SLC16A10: variants seen among roughly 807,000 people sequenced by gnomAD.
SLC16A10 encodes solute carrier family 16 member 10, also known as monocarboxylate transporter 10.
In SLC16A10, 27 loss-of-function variants were observed where a neutral mutation model predicts 40.0. The ratio of observed to expected loss-of-function variants is 0.67; its 90% CI spans 0.50 to 0.93. The LOEUF is 0.93. Ranked by LOEUF, SLC16A10 falls within the 40% of genes least tolerant of loss-of-function variation. The pLI, the probability that SLC16A10 is intolerant of heterozygous loss-of-function variation, is 0.00. For synonymous variants in SLC16A10, 213 were observed against 249.8 expected, an observed-to-expected ratio of 0.85 and a Z score of 1.39; for missense variants, 529 against 658.2, an observed-to-expected ratio of 0.80 and a Z score of 2.15.
chr6:111,123,608 C>T (rs1233005305), intron 1 of SLC16A10, among the ~76,000 whole-genome samples: 1 of 152,134 alleles, frequency 6.6e-6, no homozygotes, highest in African/African-American at 2.4e-5. Flanking sequence ...GCCCTTGAGC[C>T]AGGAGGTGAC....
At position 111,087,653 on chromosome 6, in the gene SLC16A10, G is replaced by A. The variant is rs1770890646; in HGVS notation, c.-100G>A. The A allele has an allele frequency of 7.4e-6, 5 of 671,302 alleles. No individual in the cohort carries two copies. The highest frequency in any genetic ancestry group is 1.0e-5 in the Non-Finnish European group (5 of 491,848). 41.6% of individuals were successfully genotyped at this position (671,302 alleles called of 1,614,324 possible). On this transcript the variant is annotated 5_prime_UTR_variant, in exon 1 of 6. Coordinates refer to ENST00000368851, the MANE Select transcript of SLC16A10 (RefSeq NM_018593.5). ...CAGGGGCTCCGCCGCCCTCGCCTCG[G>A]CCTCGTTAGCCCGCCAGGAGCCCCG...
At chr6:111,100,272 A>C (rs1771150951) in intron 1 of SLC16A10, among the ~76,000 whole-genome samples, 1 of 152,174 alleles carries the variant, frequency 6.6e-6, no homozygotes, top group African/African-American at 2.4e-5. Context: ...TTTCTGAAGA[A>C]ATGTTGTGAA....
intron 2 of SLC16A10, 62 bp downstream of exon 2, chr6:111,172,901 T>C: frequency 6.4e-7 from 1 of 1,555,314 alleles, no homozygotes; most frequent in Non-Finnish European, 8.7e-7. Flanking sequence ...AAGTTTTACT[T>C]TCAGAAACTA....
At chr6:111,150,296 C>T (rs935096106) in intron 1 of SLC16A10, among the ~76,000 whole-genome samples, 16 of 152,224 alleles carry the variant, frequency 1.1e-4, no homozygotes, top group African/African-American at 3.6e-4. Context: ...GCTCCTTGAT[C>T]TTGGACTTCT....
chr6:111,132,480 C>T (rs568780754), intron 1 of SLC16A10, among the ~76,000 whole-genome samples: 26 of 152,302 alleles, frequency 1.7e-4, no homozygotes, highest in African/African-American at 2.6e-4. Flanking sequence ...CCCAGTAACA[C>T]GTGGATGGGC....
chr6:111,162,906 G>T (rs1469356530), intron 1 of SLC16A10, among the ~76,000 whole-genome samples: 1 of 151,852 alleles, frequency 6.6e-6, no homozygotes, highest in Non-Finnish European at 1.5e-5. Flanking sequence ...GAACATTTCA[G>T]CTCTTCATGA....
rs574311283 is a variant in SLC16A10, at chr6:111,192,628, A to C, written c.943-13964A>C. ...ATCTGTTCTCATGCTGCTAATAAAG[A>C]CATACCCGAAACTGGGCAATTTATA... On this transcript the variant is annotated intron_variant, in intron 3 of 5. Coordinates refer to ENST00000368851, the MANE Select transcript of SLC16A10 (RefSeq NM_018593.5). Among the ~76,000 whole-genome samples, 11 of 152,306 alleles carry C rather than the reference A, an allele frequency of 7.2e-5. No individual in the cohort carries two copies. In the East Asian group the frequency reaches 1.9e-3, roughly 27 times the overall value.
At chr6:111,213,115 T>C (rs1420751796) in intron 4 of SLC16A10, among the ~76,000 whole-genome samples, 1 of 152,204 alleles carries the variant, frequency 6.6e-6, no homozygotes, top group Admixed American at 6.5e-5. Context: ...AATTGAAAAC[T>C]TGGAATTTAG....
chr6:111,095,701 T>C (rs1326585109), intron 1 of SLC16A10, among the ~76,000 whole-genome samples: 1 of 152,142 alleles, frequency 6.6e-6, no homozygotes. Context: ...GTTCTTGTGA[T>C]AGTTAATAAG....
Position 111,223,443 on chromosome 6 carries a change from A to G in SLC16A10, c.*1208A>G, listed in dbSNP as rs757735793. ...CATGCCATGACCCATACTCATTTAC[A>G]AAAACAAGAACACTTTCCTCTATCC... On this transcript the variant is annotated 3_prime_UTR_variant, in exon 6 of 6. Transcript: ENST00000368851. 7.9e-5 allele frequency: 12 copies of G among 152,184 alleles called. No homozygotes were observed. The highest frequency in any genetic ancestry group is 1.5e-5 in the Non-Finnish European group (1 of 68,032). The allele number at this position is 152,184 out of a possible 1,614,324, so 9.4% of individuals were successfully genotyped here.
chr6:111,217,157 C>T (rs1355968432), intron 4 of SLC16A10, among the ~76,000 whole-genome samples: 2 of 152,238 alleles, frequency 1.3e-5, no homozygotes, highest in Admixed American at 6.5e-5. Context: ...CCTGCTGCTG[C>T]CCCCGTGGGC....
chr6:111,190,084 G>C (rs563274402), intron 3 of SLC16A10, among the ~76,000 whole-genome samples: 33 of 152,182 alleles, frequency 2.2e-4, no homozygotes, highest in Non-Finnish European at 4.6e-4. Context: ...TTACTTCCTA[G>C]ATACAATAGG....
chr6:111,170,285 G>C (rs1017367448), intron 1 of SLC16A10, among the ~76,000 whole-genome samples: 1 of 152,038 alleles, frequency 6.6e-6, no homozygotes, highest in African/African-American at 2.4e-5. Context: ...ATGCTCTTGG[G>C]TTTCTTGATG....
intron 1 of SLC16A10, among the ~76,000 whole-genome samples, chr6:111,122,614 A>C (rs946860935): frequency 2.6e-5 from 4 of 152,096 alleles, no homozygotes; most frequent in African/African-American, 7.2e-5. Context: ...TCTTGTTCTT[A>C]TCGGGTTCTT....
intron 1 of SLC16A10, among the ~76,000 whole-genome samples, chr6:111,137,701 C>A (rs1342992462): frequency 6.6e-6 from 1 of 152,204 alleles, no homozygotes; most frequent in Non-Finnish European, 1.5e-5. Context: ...CGGCCGTTGG[C>A]CAACCTCCCC....
rs1770916506 is a variant in SLC16A10, at chr6:111,222,321, A to G, written c.*86A>G. 6.8e-7 allele frequency: 1 copy of G among 1,474,200 alleles called. No individual in the cohort carries two copies. The highest frequency in any genetic ancestry group is 2.5e-5 in the East Asian group (1 of 39,252). 91.3% of individuals were successfully genotyped at this position (1,474,200 alleles called of 1,614,324 possible). The stretch of plus-strand genomic sequence containing the variant: ...CTTTTATACAAATTGCAAATTTCAT[A>G]TTTTTTTAATCACATCCTAGGAATA... On this transcript the variant is annotated 3_prime_UTR_variant, in exon 6 of 6. Coordinates refer to ENST00000368851, the MANE Select transcript of SLC16A10 (RefSeq NM_018593.5).
intron 1 of SLC16A10, among the ~76,000 whole-genome samples, chr6:111,171,561 A>C (rs1380661825): frequency 6.6e-6 from 1 of 152,184 alleles, no homozygotes; most frequent in African/African-American, 2.4e-5. Flanking sequence ...AAAATGTAAG[A>C]AGGCAAAAAA....
At chr6:111,113,347 C>G (rs1421914948) in intron 1 of SLC16A10, among the ~76,000 whole-genome samples, 1 of 152,134 alleles carries the variant, frequency 6.6e-6, no homozygotes, top group African/African-American at 2.4e-5. Context: ...AGTAAGGGCT[C>G]CATGTGTGCT....
chr6:111,141,492 A>G (rs1017175821), intron 1 of SLC16A10, among the ~76,000 whole-genome samples: 6 of 152,082 alleles, frequency 3.9e-5, no homozygotes, highest in African/African-American at 1.4e-4. Flanking sequence ...GAAAAACCCC[A>G]TCTCTCCCAA....
Sources: gnomAD v4.1 joint callset for allele counts (sites outside exome capture counted in the v4.1 genomes callset) on GRCh38, gnomAD v4.1.1 for gene constraint, MANE v1.5 for transcripts, NCBI Gene and HGNC (gene_info 2026-07-23, HGNC 2026-07-21) for gene names.